GPC6: variants seen among roughly 807,000 people sequenced by gnomAD.
GPC6 encodes the protein glypican 6.
A neutral mutation model predicts 55.2 loss-of-function variants in GPC6; 14 were observed. The observed-to-expected ratio is 0.25, with a 90% CI of 0.17 to 0.40. GPC6 has a LOEUF of 0.40. GPC6 is among the 10% of genes least tolerant of loss of function. GPC6 has a pLI of 1.00. For missense variants in GPC6, 641 were observed against 708.5 expected, an observed-to-expected ratio of 0.90 and a Z score of 1.08; for synonymous variants, 278 against 259.6, an observed-to-expected ratio of 1.07 and a Z score of -0.68.
chr13:93,368,125 C>T (rs1356519450), intron 1 of GPC6, among the ~76,000 whole-genome samples: 1 of 152,020 alleles, frequency 6.6e-6, no homozygotes, highest in Admixed American at 6.6e-5. Context: ...TTGCAAACAC[C>T]TCTATGATTG....
chr13:94,200,478 C>T (rs944171081), intron 4 of GPC6, among the ~76,000 whole-genome samples: 8 of 152,164 alleles, frequency 5.3e-5, no homozygotes, highest in African/African-American at 1.9e-4. Context: ...GACAGTAAAT[C>T]TGCATATTAT....
chr13:93,733,018 C>T (rs759748333), intron 2 of GPC6, among the ~76,000 whole-genome samples: 14 of 151,970 alleles, frequency 9.2e-5, no homozygotes, highest in Non-Finnish European at 2.1e-4. Context: ...TAATGGCTAC[C>T]ATATTGCACA....
At chr13:94,401,327 G>A (rs763196657) in intron 8 of GPC6, among the ~76,000 whole-genome samples, 3 of 152,262 alleles carry the variant, frequency 2.0e-5, no homozygotes, top group South Asian at 2.1e-4. Flanking sequence ...GAACAGGCAC[G>A]TAAATAATAC....
rs535964806 is a variant in GPC6 at position 93,268,145 on chromosome 13, C to G, written c.160+40529C>G. Reference sequence around the variant, plus strand: ...ATTTTAAAGTGGGTTATATGCATTTCTATAGGGAAAAAATAATTATGAGAG... The same window carrying G: ...ATTTTAAAGTGGGTTATATGCATTTGTATAGGGAAAAAATAATTATGAGAG... On this transcript the variant is annotated intron_variant, in intron 1 of 8. Coordinates refer to ENST00000377047, the MANE Select transcript of GPC6 (RefSeq NM_005708.5). Among the ~76,000 whole-genome samples, 31 of 152,104 alleles carry G rather than the reference C, an allele frequency of 2.0e-4. No individual in the cohort carries two copies. The East Asian group carries it at 2.9e-3, about 14-fold the overall frequency.
intron 1 of GPC6, among the ~76,000 whole-genome samples, chr13:93,296,424 C>T (rs192333811): frequency 1.3e-5 from 2 of 152,246 alleles, no homozygotes; most frequent in Admixed American, 6.5e-5. Context: ...TACATAGGTG[C>T]CTGGGATTGT....
At chr13:94,130,673 A>G (rs1886974896) in intron 4 of GPC6, among the ~76,000 whole-genome samples, 1 of 152,132 alleles carries the variant, frequency 6.6e-6, no homozygotes, top group Non-Finnish European at 1.5e-5. Flanking sequence ...ATCTCAGAGA[A>G]TCTCAAAAGT....
chr13:93,609,527 C>T (rs1050050286), intron 2 of GPC6, among the ~76,000 whole-genome samples: 23 of 152,126 alleles, frequency 1.5e-4, no homozygotes, highest in African/African-American at 4.1e-4. Context: ...TGTGAGCCAC[C>T]GCGCCCAGCT....
chr13:94,213,143 A>C (rs1027557814), intron 4 of GPC6, among the ~76,000 whole-genome samples: 2 of 152,142 alleles, frequency 1.3e-5, no homozygotes, highest in Non-Finnish European at 2.9e-5. Flanking sequence ...GTGACATAGC[A>C]AGACTGTGTC....
chr13:94,383,490 G>C (rs7333509), intron 7 of GPC6, among the ~76,000 whole-genome samples: 24,288 of 152,192 alleles, frequency 0.16, 2,141 homozygotes, highest in East Asian at 0.28. Flanking sequence ...CAACACTTTG[G>C]GGGGCCAAGG....
intron 2 of GPC6, among the ~76,000 whole-genome samples, chr13:93,646,945 T>G (rs7995942): frequency 0.49 from 74,348 of 151,784 alleles, 20,380 homozygotes; most frequent in Middle Eastern, 0.68. Flanking sequence ...GCATTTATGC[T>G]GAAACACAGA....
At chr13:93,797,429 T>C (rs1437044360) in intron 2 of GPC6, among the ~76,000 whole-genome samples, 2 of 152,190 alleles carry the variant, frequency 1.3e-5, no homozygotes, top group African/African-American at 4.8e-5. Context: ...AAAATGAACA[T>C]TTCTCAGCCT....
chr13:94,252,438 A>G (rs912529114), intron 4 of GPC6, among the ~76,000 whole-genome samples: 13 of 152,158 alleles, frequency 8.5e-5, no homozygotes, highest in Non-Finnish European at 1.8e-4. Context: ...TGATTACGCA[A>G]TAAAAGGGGA....
At chr13:94,086,797 A>G (rs551277311) in intron 4 of GPC6, among the ~76,000 whole-genome samples, 108 of 152,334 alleles carry the variant, frequency 7.1e-4, no homozygotes, top group African/African-American at 2.4e-3. Flanking sequence ...TAATCTTTTT[A>G]AAAAGCTTTT....
chr13:94,236,875 A>G (rs1890894802), intron 4 of GPC6, among the ~76,000 whole-genome samples: 1 of 142,912 alleles, frequency 7.0e-6, no homozygotes, highest in South Asian at 2.2e-4. Context: ...TATGCAAAGA[A>G]AAGCAGAAAG....
intron 2 of GPC6, among the ~76,000 whole-genome samples, chr13:93,704,975 C>T (rs2138800062): frequency 6.6e-6 from 1 of 151,980 alleles, no homozygotes; most frequent in Admixed American, 6.6e-5. Flanking sequence ...TTAATTCAGT[C>T]CCTGTTCCTT....
chr13:93,376,989 C>T (rs895475841), intron 1 of GPC6, among the ~76,000 whole-genome samples: 12 of 152,016 alleles, frequency 7.9e-5, no homozygotes, highest in Non-Finnish European at 1.6e-4. Context: ...TTCTTTTTCC[C>T]ACTAAATAAT....
At chr13:93,220,963 C>T in the GPC6 span, among the ~76,000 whole-genome samples, 2 of 152,046 alleles carry the variant, frequency 1.3e-5, no homozygotes, top group Admixed American at 6.6e-5. Flanking sequence ...ACTCACTGCA[C>T]CCTTGACCTC....
intron 3 of GPC6, among the ~76,000 whole-genome samples, chr13:93,949,262 A>G (rs1298583611): frequency 6.6e-6 from 1 of 152,256 alleles, no homozygotes; most frequent in Non-Finnish European, 1.5e-5. Context: ...CAATTTAGAT[A>G]ATGAAGCAAT....
intron 4 of GPC6, 29 bp downstream of exon 4, chr13:94,027,923 C>A (rs1170760933): frequency 6.2e-7 from 1 of 1,601,142 alleles, no homozygotes; most frequent in African/African-American, 1.3e-5. Context: ...GATCCGAGAA[C>A]AGAGACGGGA....
Sources: gnomAD v4.1 joint callset for allele counts (sites outside exome capture counted in the v4.1 genomes callset) on GRCh38, gnomAD v4.1.1 for gene constraint, MANE v1.5 for transcripts, NCBI Gene and HGNC (gene_info 2026-07-23, HGNC 2026-07-21) for gene names.